The following CDK11B variants were observed in gnomAD, a reference collection of about 807,000 sequenced individuals.
CDK11B encodes cyclin-dependent kinase 11B.
CDK11B carries 37 observed loss-of-function variants against 84.0 expected under a neutral mutation model. The ratio of observed to expected loss-of-function variants is 0.44; its 90% CI spans 0.34 to 0.58. CDK11B has a LOEUF of 0.58. Among genes scored for constraint, CDK11B ranks in the 20% least tolerant of loss-of-function variants. The probability of loss-of-function intolerance (pLI) is 0.02; values close to 1 mark genes in which losing one functional copy is unlikely to be tolerated. For missense variants in CDK11B, 427 were observed against 834.0 expected (o/e 0.51, Z 6.01); for synonymous variants, 269 against 309.8 (o/e 0.87, Z 1.38).
chr1:1,648,699 T>C (rs1186948463), intron 5 of CDK11B, among the ~76,000 whole-genome samples: 1 of 152,202 alleles, frequency 6.6e-6, no homozygotes, highest in Non-Finnish European at 1.5e-5. Context: ...GGGGAACGAA[T>C]ATATAAACTA....
chr1:1,637,732 C>A (rs375642892), intron 13 of CDK11B, 30 bp downstream of exon 13: 6 of 1,613,568 alleles, frequency 3.7e-6, no homozygotes, highest in Non-Finnish European at 8.5e-7. Context: ...GCCTTCCACC[C>A]GGGGCCAGGC....
chr1:1,635,689 A>C lies in CDK11B; in HGVS notation c.*75T>G. On this transcript the variant is annotated 3_prime_UTR_variant, in exon 20 of 20. Transcript: ENST00000341832. ...AGTAAGACGAGGAGTTCCGAGTCTCATCGCAGCTCCAGCCGCAGTAGCCAC... is the reference window on the plus strand; with the variant it reads ...AGTAAGACGAGGAGTTCCGAGTCTCCTCGCAGCTCCAGCCGCAGTAGCCAC... 1 of 222,642 alleles carries C rather than the reference A, an allele frequency of 4.5e-6. No homozygotes were observed. Among genetic ancestry groups the C allele is most frequent in the Non-Finnish European group, 7.5e-6 (1 of 133,064 alleles). 13.8% of individuals were successfully genotyped at this position (222,642 alleles called of 1,614,324 possible). A position where few individuals can be genotyped will look rare whatever the true frequency, so the allele number is the denominator to read the frequency against.
At chr1:1,638,783 T>C (rs1175064920) in intron 11 of CDK11B, among the ~76,000 whole-genome samples, 193 bp from the exon 12 acceptor site, 1 of 152,188 alleles carries the variant, frequency 6.6e-6, no homozygotes, top group Non-Finnish European at 1.5e-5. Flanking sequence ...GACACTTTAT[T>C]ATGAAACAAA....
intron 17 of CDK11B, 59 bp from the exon 18 acceptor site, chr1:1,636,540 G>T: frequency 6.3e-7 from 1 of 1,581,724 alleles, no homozygotes; most frequent in South Asian, 1.1e-5. Context: ...TGGCACCTGT[G>T]TCCCGTCAGA....
In CDK11B at chr1:1,640,375, T is replaced by G. The variant is rs1367855230; in HGVS notation, c.1153A>C (p.Ser385Arg). ...EEEVGEGTPQ[S>R]SALTEGDYVP... The stretch of plus-strand genomic sequence containing the variant: ...TAGTCGCCCTCTGTCAGGGCGCTGC[T>G]CTGCGGCGTTCCCTCACCCACTTCT... Residue 385 changes from serine to arginine, a missense_variant, in exon 11 of 20, where the codon AGC becomes CGC. Coordinates refer to ENST00000341832, the MANE Select transcript of CDK11B (RefSeq NM_033486.3). 6.2e-7 allele frequency: 1 copy of G among 1,613,582 alleles called. No homozygotes were observed. The highest frequency in any genetic ancestry group is 2.2e-5 in the East Asian group (1 of 44,880).
At chr1:1,655,032 C>T (rs531236845) in intron 3 of CDK11B, among the ~76,000 whole-genome samples, 1 of 152,238 alleles carries the variant, frequency 6.6e-6, no homozygotes, top group South Asian at 2.1e-4. Flanking sequence ...GCTGATCAGC[C>T]CGCCTTGGCC....
At chr1:1,657,881 G>C (rs71509481) in intron 1 of CDK11B, among the ~76,000 whole-genome samples, 4,170 of 81,720 alleles carry the variant, frequency 0.051, 13 homozygotes, top group East Asian at 0.25. Context: ...CTCCAGCCTA[G>C]ATAACAAAGT....
At chr1:1,649,253 C>A in intron 5 of CDK11B, among the ~76,000 whole-genome samples, 1 of 152,236 alleles carries the variant, frequency 6.6e-6, no homozygotes, top group East Asian at 1.9e-4. Flanking sequence ...GTGCCCGCCA[C>A]CATGCCCAGC....
chr1:1,656,074 C>A (rs1411606991), intron 2 of CDK11B, among the ~76,000 whole-genome samples: 2 of 152,204 alleles, frequency 1.3e-5, no homozygotes, highest in Admixed American at 6.5e-5. Flanking sequence ...ATCTTGCAAA[C>A]CAAATACTTT....
In CDK11B at chr1:1,649,491, C is replaced by T. The variant is rs1395115131; in HGVS notation, c.494+8G>A. The T allele has an allele frequency of 6.8e-5, 107 of 1,563,676 alleles. No homozygotes were observed. The African/African-American group carries it at 8.0e-4, about 12-fold the overall frequency. Reference sequence around the variant, plus strand: ...TTATAAAGTCCTCAACTGACCCAGCCGACTCACCTTTCTCTCCTGGAATGC... The same window carrying T: ...TTATAAAGTCCTCAACTGACCCAGCTGACTCACCTTTCTCTCCTGGAATGC... On this transcript the variant is annotated splice_region_variant and intron_variant, in intron 5 of 19. Coordinates refer to ENST00000341832, the MANE Select transcript of CDK11B (RefSeq NM_033486.3).
chr1:1,636,860 G>C (rs374106223), intron 16 of CDK11B, 37 bp downstream of exon 16: 4 of 1,611,696 alleles, frequency 2.5e-6, no homozygotes, highest in African/African-American at 2.7e-5. Context: ...GAGGCTGCGT[G>C]GGGGACAGGG....
In CDK11B at chr1:1,637,324, C is replaced by T. The variant is rs570664072; in HGVS notation, c.1570+84G>A. ...GGCTTTCCCTGTGGATGCAGCTGGC[C>T]CTCCCTGCAGCACTGTCACCGCGGG... On this transcript the variant is annotated intron_variant, in intron 14 of 19. Coordinates refer to ENST00000341832, the MANE Select transcript of CDK11B (RefSeq NM_033486.3). The T allele has an allele frequency of 4.5e-5, 71 of 1,569,126 alleles. 1 individual carries two copies. In the Middle Eastern group the frequency reaches 6.7e-4, roughly 15 times the overall value.
rs1266168455 is a variant in CDK11B, at chr1:1,637,764, T to C, written c.1462A>G (p.Arg488Gly). Reference protein sequence around the residue: ...KAQHPNIVTVREIVVGSNMDK... With the variant: ...KAQHPNIVTVGEIVVGSNMDK... ...AGGCGTGGTGGGGCCATGCTCACTCTAACGGTGACGATGTTGGGATGCTGG... is the reference window on the plus strand; with the variant it reads ...AGGCGTGGTGGGGCCATGCTCACTCCAACGGTGACGATGTTGGGATGCTGG... The change falls in exon 13 of 20, where the codon AGA (arginine) becomes GGA (glycine). Residue 488 changes from arginine (R) to glycine (G), a missense_variant and splice_region_variant. Coordinates refer to ENST00000341832, the MANE Select transcript of CDK11B (RefSeq NM_033486.3). 6.2e-7 allele frequency: 1 copy of C among 1,613,754 alleles called. No individual in the cohort carries two copies. The highest frequency in any genetic ancestry group is 8.5e-7 in the Non-Finnish European group (1 of 1,179,702).
chr1:1,652,726 CTTTT>C lies in CDK11B; in HGVS notation c.228-164_228-161del, dbSNP rs1261566383. 1.2e-4 allele frequency among the ~76,000 whole-genome samples: 18 copies of C among 152,120 alleles called. No homozygotes were observed. The East Asian group carries it at 2.7e-3, about 23-fold the overall frequency. ...ACATTAATTCTCCAACTTTAGGCAT[CTTTT>C]TTTTCTTTTTTTCTTTTTTTTAGAC... On this transcript the variant is annotated intron_variant, in intron 3 of 19. Transcript: ENST00000341832.
intron 3 of CDK11B, among the ~76,000 whole-genome samples, chr1:1,653,002 C>A (rs1344646800): frequency 5.4e-5 from 8 of 147,862 alleles, no homozygotes; most frequent in Non-Finnish European, 9.0e-5. Flanking sequence ...GGATTACAGG[C>A]GTGAGCCACT....
chr1:1,637,551 G>C, intron 13 of CDK11B, 38 bp from the exon 14 acceptor site: 1 of 1,609,922 alleles, frequency 6.2e-7, no homozygotes, highest in Non-Finnish European at 8.5e-7. Flanking sequence ...GGCACCTCCA[G>C]GCCCCCACCC....
chr1:1,637,789 G>C lies in CDK11B; in HGVS notation c.1437C>G (p.Ala479=). The part of the protein sequence containing the change: ...SLREINTILK[A]QHPNIVTVRE... Reference sequence around the variant, plus strand: ...TAACGGTGACGATGTTGGGATGCTGGGCCTTGAGGATGGTGTTGATCTCCC... The same window carrying C: ...TAACGGTGACGATGTTGGGATGCTGCGCCTTGAGGATGGTGTTGATCTCCC... The change falls in exon 13 of 20, where the codon GCC becomes GCG. Residue 479 remains alanine (A), a synonymous_variant. Coordinates refer to ENST00000341832, the MANE Select transcript of CDK11B (RefSeq NM_033486.3). 6.2e-7 allele frequency: 1 copy of C among 1,613,764 alleles called. No individual in the cohort carries two copies. Among genetic ancestry groups the C allele is most frequent in the Non-Finnish European group, 8.5e-7 (1 of 1,179,706 alleles).
In CDK11B at chr1:1,649,275, ATTTT is replaced by A. The variant is rs1370253780; in HGVS notation, c.494+220_494+223del. Among the ~76,000 whole-genome samples the A allele has an allele frequency of 2.6e-5, 4 of 151,620 alleles. No homozygotes were observed. In the East Asian group the frequency reaches 5.9e-4, roughly 22 times the overall value. On this transcript the variant is annotated intron_variant, in intron 5 of 19. Coordinates refer to ENST00000341832, the MANE Select transcript of CDK11B (RefSeq NM_033486.3). Reference sequence around the variant, plus strand: ...CCACCATGCCCAGCTAATTTTTTGTATTTTTTTAGTAGAGACGGGGTTTCACCAT... The same window carrying A: ...CCACCATGCCCAGCTAATTTTTTGTATTTAGTAGAGACGGGGTTTCACCAT...
intron 6 of CDK11B, among the ~76,000 whole-genome samples, chr1:1,643,681 G>A (rs1461214683): frequency 7.0e-6 from 1 of 143,684 alleles, no homozygotes; most frequent in Non-Finnish European, 1.5e-5. Flanking sequence ...AGAAATTCCA[G>A]AGCTAATAAG....
Sources: allele counts gnomAD v4.1 joint callset (sites outside exome capture counted in the v4.1 genomes callset), GRCh38; gene constraint gnomAD v4.1.1; transcripts MANE v1.5; gene names NCBI Gene and HGNC (gene_info 2026-07-23, HGNC 2026-07-21).